Variants in POLR2F observed in about 807,000 individuals in gnomAD.
POLR2F encodes DNA-directed RNA polymerases I, II, and III subunit RPABC2.
Under a neutral mutation model 22.7 loss-of-function variants are expected in POLR2F, and 12 were observed. The ratio of observed to expected loss-of-function variants is 0.53; its 90% CI spans 0.34 to 0.86. The LOEUF (loss-of-function observed/expected upper bound fraction) is 0.86, where lower values mean the gene tolerates loss of function less well. Ranked by LOEUF, POLR2F falls within the 40% of genes least tolerant of loss-of-function variation. The pLI is 0.02. For synonymous variants in POLR2F, 57 were observed against 66.0 expected (o/e 0.86, Z 0.66); for missense variants, 126 against 171.5 (o/e 0.73, Z 1.48).
chr22:38,028,040 G>A (rs2085030466), downstream of POLR2F, among the ~76,000 whole-genome samples: 1 of 152,170 alleles, frequency 6.6e-6, no homozygotes, highest in Admixed American at 6.5e-5. Flanking sequence ...CACAGTCAGG[G>A]TTGTAAGCCA....
downstream of POLR2F, chr22:38,041,371 C>T (rs1186067295): frequency 2.2e-6 from 1 of 464,798 alleles, no homozygotes; most frequent in Non-Finnish European, 3.8e-6. Context: ...TGGGGAGGGA[C>T]TGTTGGGATG....
chr22:37,957,980 G>T (rs143027935), intron 2 of POLR2F, among the ~76,000 whole-genome samples: 39 of 152,062 alleles, frequency 2.6e-4, no homozygotes, highest in East Asian at 5.8e-4. Flanking sequence ...TCTGTTTTTT[G>T]TTGTTGTTGT....
At chr22:38,037,248 C>CTTATA (rs2085124861) in intron 5 of POLR2F, among the ~76,000 whole-genome samples, 1 of 149,392 alleles carries the variant, frequency 6.7e-6, no homozygotes, top group Non-Finnish European at 1.5e-5. Flanking sequence ...AATGAGCAAC[C>CTTATA]TTATGTTATG....
In POLR2F at chr22:37,978,080, T is replaced by C; in HGVS notation, c.293+10910T>C. On this transcript the variant is annotated intron_variant, in intron 4 of 4. Transcript: ENST00000405557. This position sits in a 1 kb window ranked among gnomAD's most constrained non-coding sequence, Gnocchi z 5.0. The stretch of plus-strand genomic sequence containing the variant: ...TCCGGGTGGTCTTTCTTGTGCTGCA[T>C]ACGGAGCCGCTCAGCCTCCTCGATG... 1 of 1,604,612 alleles carries C rather than the reference T, an allele frequency of 6.2e-7. No homozygotes were observed. Among genetic ancestry groups the C allele is most frequent in the Non-Finnish European group, 8.5e-7 (1 of 1,175,618 alleles).
chr22:37,969,803 A>G (rs1331336163), downstream of POLR2F, among the ~76,000 whole-genome samples: 1 of 152,212 alleles, frequency 6.6e-6, no homozygotes, highest in African/African-American at 2.4e-5. Context: ...GCACTAGCAT[A>G]GGGTGTCTAA....
rs961083795 is a variant in POLR2F, at chr22:37,997,164, G to A, written c.120+10852G>A. Among the ~76,000 whole-genome samples the A allele has an allele frequency of 1.3e-5, 2 of 152,100 alleles. No individual in the cohort carries two copies. The highest frequency in any genetic ancestry group is 4.8e-5 in the African/African-American group (2 of 41,402). The stretch of plus-strand genomic sequence containing the variant: ...GAACAAACACAGAGGGGCCTGGGAG[G>A]GCCCTGAGCTTCCCAGCCGGAGTCT... On this transcript the variant is annotated intron_variant, in intron 1 of 2. Coordinates refer to the POLR2F transcript ENST00000333418. This position sits in a 1 kb window ranked among gnomAD's most constrained non-coding sequence, Gnocchi z 4.4.
At chr22:38,028,582 G>C (rs1227522282), downstream of POLR2F, among the ~76,000 whole-genome samples, 1 of 152,158 alleles carries the variant, frequency 6.6e-6, no homozygotes, top group Non-Finnish European at 1.5e-5. Flanking sequence ...GTGCATGAAT[G>C]TGTGTATGTG....
intron 3 of POLR2F, among the ~76,000 whole-genome samples, chr22:37,963,079 C>T (rs776433480): frequency 1.3e-4 from 20 of 151,950 alleles, no homozygotes; most frequent in Non-Finnish European, 2.2e-4. Flanking sequence ...CTCCGCCTCC[C>T]GGGTTCAAGT....
chr22:37,977,555 C>T (rs548919338), intron 4 of POLR2F, among the ~76,000 whole-genome samples: 29 of 152,188 alleles, frequency 1.9e-4, no homozygotes, highest in African/African-American at 6.7e-4. Context: ...CTCCTGACCT[C>T]GTGATCTGCC....
chr22:38,021,484 T>C (rs1250391272), intron 1 of POLR2F, among the ~76,000 whole-genome samples: 2 of 152,324 alleles, frequency 1.3e-5, no homozygotes, highest in East Asian at 3.9e-4. Flanking sequence ...CCCTGACCTT[T>C]TTCTTTTTTG....
intron 5 of POLR2F, among the ~76,000 whole-genome samples, chr22:38,036,016 C>A (rs1380927497): frequency 6.9e-6 from 1 of 144,962 alleles, no homozygotes; most frequent in South Asian, 2.2e-4. Flanking sequence ...CGATCTGTTG[C>A]GCAGGCTGGA....
At chr22:38,034,949 TGCTAGCCAGGGG>T (rs2085101075) in intron 5 of POLR2F, among the ~76,000 whole-genome samples, 1 of 149,892 alleles carries the variant, frequency 6.7e-6, no homozygotes, top group Non-Finnish European at 1.5e-5. Flanking sequence ...CACCCCACCT[TGCTAGCCAGGGG>T]GCTGACATCC....
intron 5 of POLR2F, chr22:38,032,451 T>G (rs2145832014): frequency 6.6e-6 from 1 of 152,416 alleles, no homozygotes; most frequent in Admixed American, 6.5e-5. Context: ...ACCCATCACC[T>G]GCCCCTGAAT....
intron 1 of POLR2F, among the ~76,000 whole-genome samples, chr22:37,990,806 T>A (rs1932711188): frequency 6.6e-6 from 1 of 152,230 alleles, no homozygotes; most frequent in Non-Finnish European, 1.5e-5. Flanking sequence ...GGCTAGCTGA[T>A]CTCTGAGAGT....
chr22:38,028,943 A>C (rs2145828992), downstream of POLR2F, among the ~76,000 whole-genome samples: 1 of 152,292 alleles, frequency 6.6e-6, no homozygotes, highest in South Asian at 2.1e-4. Context: ...ATGGGCACTT[A>C]TGGGTGCTGA....
chr22:37,959,613 C>A (rs1931545033), intron 3 of POLR2F, 137 bp downstream of exon 3: 2 of 954,948 alleles, frequency 2.1e-6, no homozygotes, highest in East Asian at 5.0e-5. Context: ...TCCCTGCGTA[C>A]CAGGCATTGA....
At chr22:37,954,305 A>ATT (rs764720173) in intron 1 of POLR2F, among the ~76,000 whole-genome samples, 16 of 143,966 alleles carry the variant, frequency 1.1e-4, no homozygotes, top group Non-Finnish European at 1.7e-4. Context: ...CTTTGCAGTA[A>ATT]TTTTTTTTTT....
chr22:38,008,823 A>G (rs1601904658), intron 1 of POLR2F, among the ~76,000 whole-genome samples: 1 of 151,206 alleles, frequency 6.6e-6, no homozygotes, highest in African/African-American at 2.4e-5. Context: ...GCACCACTGC[A>G]CTCCAGCCTG....
downstream of POLR2F, chr22:37,973,460 G>A (rs1932119565): frequency 7.3e-7 from 1 of 1,378,448 alleles, no homozygotes; most frequent in South Asian, 1.3e-5. Flanking sequence ...CTGGGGGCAG[G>A]GGCTGGGCGG....
Sources: allele counts gnomAD v4.1 joint callset (sites outside exome capture counted in the v4.1 genomes callset), GRCh38; gene constraint gnomAD v4.1.1; non-coding constraint Gnocchi (gnomAD v3.1); transcripts MANE v1.5; gene names NCBI Gene and HGNC (gene_info 2026-07-23, HGNC 2026-07-21).